ANKHD1: variants seen among roughly 807,000 people sequenced by gnomAD.
ANKHD1 encodes the protein ankyrin repeat and KH domain containing 1, also known as ankyrin repeat and KH domain-containing protein 1.
Under a neutral mutation model 230.5 loss-of-function variants are expected in ANKHD1, and 31 were observed. The observed-to-expected ratio is 0.13, with a 90% CI of 0.10 to 0.18. ANKHD1 has a LOEUF of 0.18. Among genes scored for constraint, ANKHD1 ranks in the 10% least tolerant of loss-of-function variants. The pLI is 1.00. For missense variants in ANKHD1, 2,256 were observed against 3,071.3 expected (o/e 0.73, Z 6.27); for synonymous variants, 1,074 against 1,117.6 (o/e 0.96, Z 0.78).
rs1324113251 is a variant in ANKHD1, at chr5:140,402,435, C to T, written c.306+162C>T. On this transcript the variant is annotated intron_variant, in intron 1 of 33. Transcript: ENST00000360839. ...CCGCGGTGAGGGCCTAGTGAGCCCT[C>T]GGCTTACTCTTTAGCTCGAGCGGGA... Among the ~76,000 whole-genome samples the T allele has an allele frequency of 2.0e-5, 3 of 152,208 alleles. No homozygotes were observed. The East Asian group carries it at 5.8e-4, about 29-fold the overall frequency.
At chr5:140,473,374 T>C (rs1052770627) in intron 10 of ANKHD1, among the ~76,000 whole-genome samples, 39 of 152,152 alleles carry the variant, frequency 2.6e-4, no homozygotes, top group African/African-American at 8.2e-4. Flanking sequence ...GCTTATTAAG[T>C]GTCTTCATCA....
chr5:140,504,882 A>G lies in ANKHD1; in HGVS notation c.3066A>G (p.Thr1022=). 6.2e-7 allele frequency: 1 copy of G among 1,614,174 alleles called. No homozygotes were observed. The highest frequency in any genetic ancestry group is 8.5e-7 in the Non-Finnish European group (1 of 1,180,032). ...NSSSQTTECL[T]PESCSQTTSN... ...CTTCTCAGACCACAGAGTGTCTTAC[A>G]CCTGAATCCTGTTCGCAGACTACAA... The change falls in exon 16 of 34, where the codon ACA becomes ACG. Residue 1022 remains threonine (T), a synonymous_variant. Transcript: ENST00000360839.
chr5:140,456,899 CTA>C, intron 7 of ANKHD1, among the ~76,000 whole-genome samples: 1 of 152,304 alleles, frequency 6.6e-6, no homozygotes, highest in South Asian at 2.1e-4. Flanking sequence ...GCAAAAGAAA[CTA>C]CCATCAGAGG....
intron 10 of ANKHD1, among the ~76,000 whole-genome samples, chr5:140,477,172 G>A (rs1007748230): frequency 1.1e-4 from 16 of 152,146 alleles, no homozygotes; most frequent in African/African-American, 3.6e-4. Flanking sequence ...GGAATTTTAA[G>A]CCAAAAGCAC....
chr5:140,407,928 C>T (rs1770606820), intron 1 of ANKHD1, among the ~76,000 whole-genome samples: 1 of 151,948 alleles, frequency 6.6e-6, no homozygotes, highest in African/African-American at 2.4e-5. Context: ...TGTAATCCCA[C>T]CACTTTGGGA....
At chr5:140,493,486 T>C (rs1751897849) in intron 14 of ANKHD1, among the ~76,000 whole-genome samples, 1 of 152,252 alleles carries the variant, frequency 6.6e-6, no homozygotes, top group Admixed American at 6.5e-5. Flanking sequence ...TGGTATCTTA[T>C]AATACTACTT....
At position 140,535,426 on chromosome 5, in the gene ANKHD1, T is replaced by C. The variant is rs776528104; in HGVS notation, c.6915T>C (p.Phe2305=). The C allele has an allele frequency of 6.2e-7, 1 of 1,613,870 alleles. No individual in the cohort carries two copies. The highest frequency in any genetic ancestry group is 1.7e-5 in the Admixed American group (1 of 59,948). Residue 2305 remains phenylalanine (F), a synonymous_variant, in exon 30 of 34, where the codon TTT becomes TTC. Transcript: ENST00000360839. ...CCTCTTCTGCTCCTCTGGCAAGTTT[T>C]TCCGGCATACCAGGAACAAGGGTTT... ...PSSSSAPLAS[F]SGIPGTRVFL...
At chr5:140,419,812 TTCTTTC>T (rs1237103605) in intron 1 of ANKHD1, among the ~76,000 whole-genome samples, 1 of 141,478 alleles carries the variant, frequency 7.1e-6, no homozygotes. Context: ...CTTTCTTTCT[TTCTTTC>T]TTTCTTTCTT....
intron 10 of ANKHD1, among the ~76,000 whole-genome samples, chr5:140,468,488 T>C (rs910087022): frequency 6.6e-6 from 1 of 152,160 alleles, no homozygotes; most frequent in Non-Finnish European, 1.5e-5. Flanking sequence ...CTGGAACTTA[T>C]TTCCTTTTAA....
chr5:140,434,568 A>G (rs1773299027), intron 1 of ANKHD1, among the ~76,000 whole-genome samples: 2 of 151,728 alleles, frequency 1.3e-5, no homozygotes, highest in African/African-American at 4.8e-5. Context: ...TCATATTTAC[A>G]TATATACACA....
intron 11 of ANKHD1, among the ~76,000 whole-genome samples, chr5:140,483,452 C>CG (rs1751373057): frequency 9.0e-6 from 1 of 110,610 alleles, no homozygotes; most frequent in Non-Finnish European, 1.9e-5. Context: ...AAGATTTTAT[C>CG]TTTTTTTTTT....
intron 29 of ANKHD1, chr5:140,531,302 T>C (rs1448782261): frequency 2.3e-6 from 1 of 427,284 alleles, no homozygotes; most frequent in South Asian, 1.6e-5. Flanking sequence ...TAATACCGAC[T>C]GAGCGTGGTG....
chr5:140,402,105 C>G lies in ANKHD1; in HGVS notation c.138C>G (p.Leu46=), dbSNP rs1446050700. The change falls in exon 1 of 34, where the codon CTC becomes CTG. Residue 46 remains leucine (L), a synonymous_variant. Coordinates refer to ENST00000360839, the MANE Select transcript of ANKHD1 (RefSeq NM_017747.3). The stretch of plus-strand genomic sequence containing the variant: ...GTCTGGGGATCCGCACCGTGAGGCT[C>G]TTTGGGGAGGCCGGGCCAGCGTCGG... The part of the protein sequence containing the change: ...GVGLGIRTVR[L]FGEAGPASGV... 3 of 1,534,384 alleles carry G rather than the reference C, an allele frequency of 2.0e-6. No individual in the cohort carries two copies. In the East Asian group the frequency reaches 7.4e-5, roughly 38 times the overall value.
At chr5:140,433,655 G>T (rs1773230714) in intron 1 of ANKHD1, among the ~76,000 whole-genome samples, 1 of 152,120 alleles carries the variant, frequency 6.6e-6, no homozygotes, top group South Asian at 2.1e-4. Context: ...TAGTGAGAGA[G>T]AGATATATAT....
intron 24 of ANKHD1, among the ~76,000 whole-genome samples, chr5:140,523,014 A>G (rs1028142762): frequency 6.6e-6 from 1 of 151,070 alleles, no homozygotes; most frequent in African/African-American, 2.4e-5. Context: ...TTTTTAAAAA[A>G]TAGCTTTATT....
At chr5:140,430,544 G>C (rs1772951919) in intron 1 of ANKHD1, among the ~76,000 whole-genome samples, 1 of 151,880 alleles carries the variant, frequency 6.6e-6, no homozygotes, top group South Asian at 2.1e-4. Context: ...GTTATATATA[G>C]ACATGGTTTC....
chr5:140,501,642 C>T (rs569108195), intron 15 of ANKHD1, among the ~76,000 whole-genome samples: 4 of 151,632 alleles, frequency 2.6e-5, no homozygotes, highest in Admixed American at 2.0e-4. Context: ...CCCAGCTACT[C>T]GGGAGGCTGA....
At chr5:140,533,418 G>A (rs983611221) in intron 29 of ANKHD1, among the ~76,000 whole-genome samples, 2 of 152,106 alleles carry the variant, frequency 1.3e-5, no homozygotes, top group Admixed American at 1.3e-4. Flanking sequence ...TTAACACGGT[G>A]AAACCCCATC....
At chr5:140,440,054 A>G (rs754772331) in intron 3 of ANKHD1, 65 bp from the exon 4 acceptor site, 53 of 1,434,018 alleles carry the variant, frequency 3.7e-5, no homozygotes, top group Admixed American at 1.8e-4. Flanking sequence ...TATATTTAAT[A>G]TAATTTATCA....
Sources: allele counts gnomAD v4.1 joint callset (sites outside exome capture counted in the v4.1 genomes callset), GRCh38; gene constraint gnomAD v4.1.1; transcripts MANE v1.5; gene names NCBI Gene and HGNC (gene_info 2026-07-23, HGNC 2026-07-21).